Variants in HDHD2 observed in about 807,000 individuals in gnomAD.
HDHD2 encodes haloacid dehalogenase like hydrolase domain containing 2, also known as haloacid dehalogenase-like hydrolase domain-containing protein 2.
Under a neutral mutation model 24.8 loss-of-function variants are expected in HDHD2, and 26 were observed. That is an observed-to-expected ratio of 1.05 (90% CI 0.77 to 1.45). The LOEUF (loss-of-function observed/expected upper bound fraction) is 1.45. HDHD2 is among the 40% of genes most tolerant of loss of function. The pLI is 0.00. For synonymous variants in HDHD2, 128 were observed against 114.9 expected, an observed-to-expected ratio of 1.11 and a Z score of -0.73; for missense variants, 299 against 313.4, an observed-to-expected ratio of 0.95 and a Z score of 0.35.
intron 1 of HDHD2, among the ~76,000 whole-genome samples, chr18:47,138,109 T>C (rs951406186): frequency 3.0e-5 from 4 of 131,178 alleles, no homozygotes; most frequent in African/African-American, 8.9e-5. Flanking sequence ...GAAGTGGAGG[T>C]TGCAGTGAGC....
intron 3 of HDHD2, 59 bp from the exon 4 acceptor site, chr18:47,130,387 TA>T: frequency 8.5e-7 from 1 of 1,176,718 alleles, no homozygotes; most frequent in Non-Finnish European, 1.2e-6. Context: ...TGTCACATTT[TA>T]AAAAAGTAGT....
rs552144414 is a variant in HDHD2, at chr18:47,125,768, G to A, written c.395+4476C>T. Among the ~76,000 whole-genome samples, 25 of 152,294 alleles carry A rather than the reference G, an allele frequency of 1.6e-4. No individual in the cohort carries two copies. The South Asian group carries it at 2.1e-3, about 13-fold the overall frequency. On this transcript the variant is annotated intron_variant, in intron 4 of 6. Coordinates refer to ENST00000300605, the MANE Select transcript of HDHD2 (RefSeq NM_032124.5). ...GGGAAAGGGAGCCACCAAGGATGCT[G>A]AAAATGTTCTATATCTTGATCACCA...
At chr18:47,150,232 G>C (rs532576966) in intron 1 of HDHD2, 146 bp downstream of exon 1, 1 of 152,442 alleles carries the variant, frequency 6.6e-6, no homozygotes, top group Non-Finnish European at 1.5e-5. Flanking sequence ...AACAGGGAAT[G>C]CGCACAGAGC....
At chr18:47,119,468 A>G (rs978099251) in intron 4 of HDHD2, among the ~76,000 whole-genome samples, 1 of 152,232 alleles carries the variant, frequency 6.6e-6, no homozygotes, top group African/African-American at 2.4e-5. Context: ...TTGTTCATCC[A>G]AAAGAAGCAA....
At chr18:47,109,177 TCCCAAAGGCAA>T (rs2063496146) in intron 6 of HDHD2, 2 of 166,484 alleles carry the variant, frequency 1.2e-5, no homozygotes, top group African/African-American at 4.8e-5. Flanking sequence ...ACTCATCCGC[TCCCAAAGGCAA>T]CTGGGAACAG....
intron 6 of HDHD2, chr18:47,111,185 G>A (rs1051608207): frequency 2.0e-6 from 2 of 985,120 alleles, no homozygotes; most frequent in African/African-American, 3.5e-5. Flanking sequence ...TTTTGGACTT[G>A]ATTGTGTTAC....
At chr18:47,130,615 T>C (rs1185161884) in intron 3 of HDHD2, among the ~76,000 whole-genome samples, 1 of 152,158 alleles carries the variant, frequency 6.6e-6, no homozygotes, top group Non-Finnish European at 1.5e-5. Context: ...GAATTGAAAA[T>C]TGTAACCTGA....
Position 47,130,298 on chromosome 18 carries a change from A to C in HDHD2, c.341T>G (p.Val114Gly). 1 of 1,607,918 alleles carries C rather than the reference A, an allele frequency of 6.2e-7. No homozygotes were observed. Among genetic ancestry groups the C allele is most frequent in the South Asian group, 1.1e-5 (1 of 90,092 alleles). Residue 114 changes from valine to glycine, a missense_variant, in exon 4 of 7, where the codon GTC becomes GGC. Val to Gly is a moderately radical substitution (Grantham distance 109, BLOSUM62 -3). Coordinates refer to ENST00000300605, the MANE Select transcript of HDHD2 (RefSeq NM_032124.5). ...AAAATGTTCTGGTGCCAATCCCATGACCACAGCATTAGGATCACTTGTTTG... is the reference window on the plus strand; with the variant it reads ...AAAATGTTCTGGTGCCAATCCCATGCCCACAGCATTAGGATCACTTGTTTG... ...GIQTSDPNAV[V>G]MGLAPEHFHY...
chr18:47,140,361 A>G (rs2063808764), intron 1 of HDHD2, among the ~76,000 whole-genome samples: 1 of 152,226 alleles, frequency 6.6e-6, no homozygotes, highest in Non-Finnish European at 1.5e-5. Context: ...TTTTAGTTTT[A>G]TAAATATCTA....
intron 5 of HDHD2, among the ~76,000 whole-genome samples, chr18:47,114,579 T>C (rs1406340030): frequency 6.6e-6 from 1 of 152,152 alleles, no homozygotes; most frequent in East Asian, 1.9e-4. Flanking sequence ...ACTGACAAGG[T>C]GCTCACGGCC....
chr18:47,132,406 C>T (rs1219109788), intron 3 of HDHD2, among the ~76,000 whole-genome samples: 1 of 152,076 alleles, frequency 6.6e-6, no homozygotes, highest in Non-Finnish European at 1.5e-5. Flanking sequence ...TAATGAATAA[C>T]CTTGTTCATG....
At chr18:47,130,437 T>A (rs1157312578) in intron 3 of HDHD2, 109 bp from the exon 4 acceptor site, 12 of 691,240 alleles carry the variant, frequency 1.7e-5, no homozygotes, top group Non-Finnish European at 2.5e-5. Context: ...GTATCCATAA[T>A]TTAAAATTTA....
At chr18:47,128,334 A>C (rs997372385) in intron 4 of HDHD2, among the ~76,000 whole-genome samples, 3 of 152,222 alleles carry the variant, frequency 2.0e-5, no homozygotes, top group African/African-American at 7.2e-5. Context: ...AAATTAATCA[A>C]TATCTTCTCC....
rs61366727 is a variant in HDHD2 at position 47,132,315 on chromosome 18, A to G, written c.311-1987T>C. Among the ~76,000 whole-genome samples, 831 of 152,298 alleles carry G rather than the reference A, an allele frequency of 5.5e-3. 8 individuals are homozygous for G. Among genetic ancestry groups the G allele is most frequent in the African/African-American group, 0.019 (797 of 41,574 alleles). Reference sequence around the variant, plus strand: ...AGCTACAAAGCATTCCATTTTGTGAATATATCACAGTTTATTCAATCAGTT... The same window carrying G: ...AGCTACAAAGCATTCCATTTTGTGAGTATATCACAGTTTATTCAATCAGTT... On this transcript the variant is annotated intron_variant, in intron 3 of 6. Coordinates refer to ENST00000300605, the MANE Select transcript of HDHD2 (RefSeq NM_032124.5).
chr18:47,107,585 T>C lies in HDHD2; in HGVS notation c.*1097A>G, dbSNP rs1012948483. On this transcript the variant is annotated 3_prime_UTR_variant, in exon 7 of 7. Transcript: ENST00000300605. ...ATGCCCAAGAGCCCTGTAGAACTAT[T>C]GCAAGGCCCAGGATTATCACAGTAT... is the stretch of plus-strand genomic sequence containing the variant. 6.6e-6 allele frequency: 1 copy of C among 152,532 alleles called. No individual in the cohort carries two copies. The highest frequency in any genetic ancestry group is 2.4e-5 in the African/African-American group (1 of 41,448). The allele number at this position is 152,532 out of a possible 1,614,324, so 9.4% of individuals were successfully genotyped here. A position where few individuals can be genotyped will look rare whatever the true frequency, so the allele number is the denominator to read the frequency against.
Position 47,150,431 on chromosome 18 carries a change from C to T in HDHD2, c.-64G>A, listed in dbSNP as rs1451827873. 2 of 152,414 alleles carry T rather than the reference C, an allele frequency of 1.3e-5. No individual in the cohort carries two copies. Among genetic ancestry groups the T allele is most frequent in the Non-Finnish European group, 2.9e-5 (2 of 68,178 alleles). The allele number at this position is 152,414 out of a possible 1,614,324, so 9.4% of individuals were successfully genotyped here. On this transcript the variant is annotated 5_prime_UTR_variant, in exon 1 of 7. Transcript: ENST00000300605. ...GGCCCCCGCTAATGGCAAAGCCAGC[C>T]ACCCGCACTGGCCGCGGGTCCTCAG... is the stretch of plus-strand genomic sequence containing the variant.
intron 4 of HDHD2, among the ~76,000 whole-genome samples, chr18:47,125,062 T>C (rs1238220688): frequency 6.6e-6 from 1 of 152,084 alleles, no homozygotes; most frequent in Non-Finnish European, 1.5e-5. Flanking sequence ...CTTGGGAGGC[T>C]AAGGCAGGAG....
chr18:47,131,363 A>C (rs542631568), intron 3 of HDHD2, among the ~76,000 whole-genome samples: 5 of 152,282 alleles, frequency 3.3e-5, no homozygotes, highest in Middle Eastern at 3.4e-3. Flanking sequence ...TTGGCTGCAG[A>C]TATCCAGGCT....
intron 4 of HDHD2, among the ~76,000 whole-genome samples, chr18:47,122,913 T>G (rs1048232083): frequency 2.0e-5 from 3 of 152,136 alleles, no homozygotes; most frequent in African/African-American, 7.2e-5. Context: ...TTTGAAGTCT[T>G]TGGGATTAAA....
Sources: allele counts gnomAD v4.1 joint callset (sites outside exome capture counted in the v4.1 genomes callset), GRCh38; gene constraint gnomAD v4.1.1; transcripts MANE v1.5; gene names NCBI Gene and HGNC (gene_info 2026-07-23, HGNC 2026-07-21).